The following CTNNA2 variants were observed in gnomAD, a reference collection of about 807,000 sequenced individuals.
The protein encoded by CTNNA2 is catenin alpha 2.
In CTNNA2, 42 loss-of-function variants were observed where a neutral mutation model predicts 101.0. The observed-to-expected ratio is 0.42, with a 90% CI of 0.32 to 0.54. The LOEUF is 0.54. CTNNA2 is among the 20% of genes least tolerant of loss of function. The pLI, the probability that CTNNA2 is intolerant of heterozygous loss-of-function variation, is 0.14. For missense variants in CTNNA2, 871 were observed against 1,223.1 expected (o/e 0.71, Z 4.29); for synonymous variants, 450 against 456.4 (o/e 0.99, Z 0.18).
chr2:79,968,761 G>A (rs762175108), intron 7 of CTNNA2, among the ~76,000 whole-genome samples: 1 of 151,754 alleles, frequency 6.6e-6, no homozygotes, highest in South Asian at 2.1e-4. Context: ...CTTGATATCT[G>A]TATGTTAGTT....
At chr2:80,575,276 A>T (rs893479782) in intron 13 of CTNNA2, 9 of 152,242 alleles carry the variant, frequency 5.9e-5, no homozygotes, top group African/African-American at 2.2e-4. Context: ...AAAATATTCT[A>T]GTAAACACAC....
In CTNNA2 at chr2:79,935,206, C is replaced by T. The variant is rs550456089; in HGVS notation, c.1056+25409C>T. ...TCTTTTGATTCTGCTGACAGCCATA[C>T]TAGGGAAGAACACTATTGTCTTTGT... is the stretch of plus-strand genomic sequence containing the variant. On this transcript the variant is annotated intron_variant, in intron 7 of 18. Transcript: ENST00000402739. Among the ~76,000 whole-genome samples, 86 of 152,232 alleles carry T rather than the reference C, an allele frequency of 5.6e-4. 1 individual carries two copies. The highest frequency in any genetic ancestry group is 1.9e-3 in the African/African-American group (77 of 41,534).
chr2:79,321,818 C>T (rs1289621867), intron 3 of CTNNA2, among the ~76,000 whole-genome samples: 1 of 151,500 alleles, frequency 6.6e-6, no homozygotes, highest in South Asian at 2.1e-4. Context: ...CACACACACA[C>T]AAATGCACAT....
chr2:79,340,550 G>A (rs1202949694), intron 3 of CTNNA2, among the ~76,000 whole-genome samples: 3 of 152,116 alleles, frequency 2.0e-5, no homozygotes, highest in African/African-American at 7.2e-5. Flanking sequence ...AGGAATACAT[G>A]AGGCCGGGCG....
intron 17 of CTNNA2, among the ~76,000 whole-genome samples, chr2:80,610,291 A>T (rs1698350993): frequency 6.6e-6 from 1 of 151,584 alleles, no homozygotes; most frequent in Non-Finnish European, 1.5e-5. Context: ...TGGAGAAAAA[A>T]AATGAATATG....
At chr2:80,246,544 A>G (rs1235123592) in intron 7 of CTNNA2, among the ~76,000 whole-genome samples, 1 of 152,342 alleles carries the variant, frequency 6.6e-6, no homozygotes, top group Non-Finnish European at 1.5e-5. Flanking sequence ...AAGGCCAAGT[A>G]TGGACCTGTT....
chr2:80,496,646 T>C (rs1687498867), intron 9 of CTNNA2, among the ~76,000 whole-genome samples: 1 of 152,098 alleles, frequency 6.6e-6, no homozygotes, highest in Non-Finnish European at 1.5e-5. Flanking sequence ...TGGTACAGGG[T>C]AAGCACCCGA....
intron 3 of CTNNA2, among the ~76,000 whole-genome samples, chr2:79,783,332 G>C (rs1674597626): frequency 6.6e-6 from 1 of 152,140 alleles, no homozygotes; most frequent in African/African-American, 2.4e-5. Flanking sequence ...TCCCAGGCCA[G>C]AAGCCTTCTG....
chr2:79,261,434 G>C lies in CTNNA2; in HGVS notation c.-405-51275G>C, dbSNP rs72915170. Among the ~76,000 whole-genome samples the C allele has an allele frequency of 3.8e-3, 572 of 152,334 alleles. 8 individuals carry two copies. Among genetic ancestry groups the C allele is most frequent in the African/African-American group, 0.013 (547 of 41,586 alleles). ...CCTGCATCACATATTAAGATGCAAA[G>C]TTGGTGTATTCATCTGCTATATGAA... On this transcript the variant is annotated intron_variant, in intron 2 of 21. Transcript: ENST00000466387.
chr2:80,153,959 TACTC>T lies in CTNNA2; in HGVS notation c.1057-239249_1057-239246del, dbSNP rs539664184. Among the ~76,000 whole-genome samples, 11 of 152,288 alleles carry T rather than the reference TACTC, an allele frequency of 7.2e-5. No individual in the cohort carries two copies. The South Asian group carries it at 2.3e-3, about 32-fold the overall frequency. The stretch of plus-strand genomic sequence containing the variant: ...CCAAACTCTGCAACCTTGGACAAGT[TACTC>T]ACCCTCTCTGGGCTTCAGTTTTCAT... On this transcript the variant is annotated intron_variant, in intron 7 of 18. Transcript: ENST00000402739.
chr2:79,464,024 G>C (rs1187674021), intron 4 of CTNNA2, among the ~76,000 whole-genome samples: 1 of 151,148 alleles, frequency 6.6e-6, no homozygotes. Flanking sequence ...AGGGTACATT[G>C]TGCACAATAT....
chr2:79,909,826 C>T, intron 7 of CTNNA2, 29 bp downstream of exon 7: 1 of 1,568,932 alleles, frequency 6.4e-7, no homozygotes, highest in South Asian at 1.2e-5. Context: ...ATTCTCATGT[C>T]TTGGTGGATT....
At chr2:80,338,795 G>A (rs1018840121) in intron 7 of CTNNA2, among the ~76,000 whole-genome samples, 2 of 152,176 alleles carry the variant, frequency 1.3e-5, no homozygotes, top group African/African-American at 4.8e-5. Context: ...TGATTTGAGA[G>A]AGCTAGGCTT....
intron 9 of CTNNA2, among the ~76,000 whole-genome samples, chr2:80,504,718 G>A (rs1031180038): frequency 2.0e-5 from 3 of 152,074 alleles, no homozygotes; most frequent in Non-Finnish European, 2.9e-5. Context: ...ACTTAGCTCC[G>A]GGGATTGTGA....
intron 1 of CTNNA2, among the ~76,000 whole-genome samples, chr2:79,567,487 C>T (rs1675185289): frequency 6.6e-6 from 1 of 151,954 alleles, no homozygotes; most frequent in Non-Finnish European, 1.5e-5. Context: ...AACAGGAAGA[C>T]CCTTCTACCT....
chr2:80,136,951 C>T (rs983813703), intron 7 of CTNNA2, among the ~76,000 whole-genome samples: 2 of 152,132 alleles, frequency 1.3e-5, no homozygotes, highest in Non-Finnish European at 2.9e-5. Context: ...CTCTTCATTG[C>T]CTCCCTCCGT....
chr2:79,917,523 T>C (rs1301009069), intron 7 of CTNNA2, among the ~76,000 whole-genome samples: 2 of 152,346 alleles, frequency 1.3e-5, no homozygotes, highest in Admixed American at 6.5e-5. Context: ...CCTTGCAACA[T>C]GGCACTTACA....
intron 7 of CTNNA2, among the ~76,000 whole-genome samples, chr2:80,315,840 T>C (rs1678066435): frequency 6.6e-6 from 1 of 152,156 alleles, no homozygotes; most frequent in South Asian, 2.1e-4. Flanking sequence ...GATTTTTATT[T>C]CTCAAGCCAT....
intron 4 of CTNNA2, among the ~76,000 whole-genome samples, chr2:79,859,291 G>T (rs1462130644): frequency 6.6e-6 from 1 of 152,072 alleles, no homozygotes; most frequent in Non-Finnish European, 1.5e-5. Flanking sequence ...GACCAGGGGA[G>T]ATAGGAAATG....
Sources: gnomAD v4.1 joint callset for allele counts (sites outside exome capture counted in the v4.1 genomes callset) on GRCh38, gnomAD v4.1.1 for gene constraint, MANE v1.5 for transcripts, NCBI Gene and HGNC (gene_info 2026-07-23, HGNC 2026-07-21) for gene names.